The following CDC42BPA variants were observed in gnomAD, a reference collection of about 807,000 sequenced individuals.
CDC42BPA encodes the protein serine/threonine-protein kinase MRCK alpha.
CDC42BPA carries 80 observed loss-of-function variants against 223.5 expected under a neutral mutation model. The observed-to-expected ratio is 0.36, with a 90% confidence interval of 0.30 to 0.43. CDC42BPA has a LOEUF of 0.43. CDC42BPA is among the 20% of genes least tolerant of loss of function. The probability of loss-of-function intolerance (pLI) is 1.00; values close to 1 mark genes in which losing one functional copy is unlikely to be tolerated. For synonymous variants in CDC42BPA, 694 were observed against 718.6 expected (o/e 0.97, Z 0.55); for missense variants, 1,743 against 2,099.9 (o/e 0.83, Z 3.32).
chr1:227,201,259 C>T (rs113456533), intron 3 of CDC42BPA, among the ~76,000 whole-genome samples: 25,596 of 151,894 alleles, frequency 0.17, 2,306 homozygotes, highest in Non-Finnish European at 0.19. Flanking sequence ...GATCCTCCCA[C>T]CTTAGCCTCT....
intron 1 of CDC42BPA, among the ~76,000 whole-genome samples, chr1:227,261,449 C>T (rs1227538122): frequency 6.6e-6 from 1 of 150,578 alleles, no homozygotes; most frequent in African/African-American, 2.5e-5. Context: ...CAAAATAGTC[C>T]TTGTGCATAT....
chr1:227,229,366 T>C (rs1020406034), intron 2 of CDC42BPA, among the ~76,000 whole-genome samples: 1 of 152,208 alleles, frequency 6.6e-6, no homozygotes, highest in Admixed American at 6.5e-5. Flanking sequence ...TCTCTTGATT[T>C]ATATATGAGC....
chr1:227,196,860 AG>A (rs1298156568), intron 4 of CDC42BPA, among the ~76,000 whole-genome samples: 1 of 152,240 alleles, frequency 6.6e-6, no homozygotes, highest in Non-Finnish European at 1.5e-5. Context: ...AAGAAAGTAC[AG>A]AACGAACAAA....
chr1:227,072,513 T>C (rs1186056941), intron 19 of CDC42BPA, among the ~76,000 whole-genome samples: 1 of 151,980 alleles, frequency 6.6e-6, no homozygotes, highest in East Asian at 1.9e-4. Flanking sequence ...CATTTAAGTA[T>C]TGACTATGGC....
intron 21 of CDC42BPA, among the ~76,000 whole-genome samples, chr1:227,057,362 ATAGT>A (rs1293708218): frequency 1.3e-4 from 11 of 86,264 alleles, no homozygotes; most frequent in African/African-American, 4.1e-4. Context: ...ATGACATTTC[ATAGT>A]TAATTTTAAA....
intron 5 of CDC42BPA, 46 bp downstream of exon 5, chr1:227,193,740 T>C (rs1261169900): frequency 1.4e-6 from 2 of 1,445,564 alleles, no homozygotes; most frequent in Non-Finnish European, 1.9e-6. Context: ...TGTTGCTAGA[T>C]ATTACATGGT....
intron 14 of CDC42BPA, among the ~76,000 whole-genome samples, chr1:227,102,007 T>C (rs372078794): frequency 1.3e-5 from 2 of 152,270 alleles, no homozygotes; most frequent in East Asian, 1.9e-4. Flanking sequence ...TTTCCAAAGG[T>C]CATTAATTTG....
chr1:227,121,046 C>G (rs1455911310), intron 11 of CDC42BPA, among the ~76,000 whole-genome samples: 1 of 152,136 alleles, frequency 6.6e-6, no homozygotes, highest in Non-Finnish European at 1.5e-5. Context: ...GGAGCTCAGG[C>G]GCTAATGCTC....
At chr1:227,184,925 C>A (rs951369676) in intron 5 of CDC42BPA, among the ~76,000 whole-genome samples, 3 of 152,138 alleles carry the variant, frequency 2.0e-5, no homozygotes, top group African/African-American at 7.2e-5. Context: ...TACCATTTTT[C>A]TTCACTCCTC....
intron 1 of CDC42BPA, among the ~76,000 whole-genome samples, chr1:227,255,205 A>G (rs967079786): frequency 2.0e-5 from 3 of 152,162 alleles, no homozygotes; most frequent in African/African-American, 7.2e-5. Context: ...AAAGGAACTG[A>G]TATGATTAAA....
intron 34 of CDC42BPA, 45 bp from the exon 35 acceptor site, chr1:227,005,156 T>G (rs548235880): frequency 7.8e-7 from 1 of 1,288,050 alleles, no homozygotes; most frequent in South Asian, 1.2e-5. Context: ...AGAAAGAAAC[T>G]GATTTTTCTG....
chr1:227,182,368 A>G (rs535455826), intron 5 of CDC42BPA, among the ~76,000 whole-genome samples: 37 of 152,332 alleles, frequency 2.4e-4, no homozygotes, highest in Admixed American at 2.4e-3. Context: ...GGAACTCACC[A>G]AATTTATATG....
In CDC42BPA at chr1:227,029,529, C is replaced by T. The variant is rs184614489; in HGVS notation, c.3839-279G>A. ...ATCTTCAAGGAAACTTTTCTACTGG[C>T]ACTAAATTCTAGGGAACGTCACCAT... On this transcript the variant is annotated intron_variant, in intron 29 of 36. Coordinates refer to ENST00000366766, the MANE Select transcript of CDC42BPA (RefSeq NM_001394014.1). Among the ~76,000 whole-genome samples, 35 of 152,266 alleles carry T rather than the reference C, an allele frequency of 2.3e-4. 1 individual carries two copies. Among genetic ancestry groups the T allele is most frequent in the Admixed American group, 2.1e-3 (32 of 15,298 alleles).
At position 227,101,054 on chromosome 1, in the gene CDC42BPA, T is replaced by C; in HGVS notation, c.2187A>G (p.Gln729=). ...KKELHDSEGQ[Q]LALNKEIMIL... Reference sequence around the variant, plus strand: ...TCATAATTTCTTTGTTGAGAGCAAGTTGCTGACCTTCTGAATCATGCAGTT... The same window carrying C: ...TCATAATTTCTTTGTTGAGAGCAAGCTGCTGACCTTCTGAATCATGCAGTT... Residue 729 remains glutamine, a synonymous_variant, in exon 15 of 37, where the codon CAA becomes CAG. Coordinates refer to ENST00000366766, the MANE Select transcript of CDC42BPA (RefSeq NM_001394014.1). The C allele has an allele frequency of 1.3e-6, 2 of 1,567,786 alleles. No homozygotes were observed. Among genetic ancestry groups the C allele is most frequent in the South Asian group, 1.1e-5 (1 of 89,540 alleles).
intron 1 of CDC42BPA, among the ~76,000 whole-genome samples, chr1:227,303,310 C>CTCTTCTAA (rs973202187): frequency 6.6e-6 from 1 of 152,180 alleles, no homozygotes; most frequent in African/African-American, 2.4e-5. Flanking sequence ...CCAGACAAGA[C>CTCTTCTAA]TCTTCTAATC....
chr1:227,216,133 TAC>T (rs57710895), intron 2 of CDC42BPA, among the ~76,000 whole-genome samples: 30,803 of 129,270 alleles, frequency 0.24, 3,514 homozygotes, highest in African/African-American at 0.32. Context: ...TATATATATA[TAC>T]ACACACACAC....
intron 5 of CDC42BPA, 44 bp downstream of exon 5, chr1:227,193,742 T>A (rs751673256): frequency 5.4e-6 from 8 of 1,476,564 alleles, no homozygotes; most frequent in Non-Finnish European, 7.3e-6. Flanking sequence ...TTGCTAGATA[T>A]TACATGGTAA....
intron 1 of CDC42BPA, among the ~76,000 whole-genome samples, chr1:227,282,872 A>C (rs1425393930): frequency 2.0e-5 from 3 of 152,224 alleles, no homozygotes; most frequent in Non-Finnish European, 4.4e-5. Context: ...TAATGAGTAC[A>C]GTTTCAGTTT....
rs544194290 is a variant in CDC42BPA, at chr1:226,994,470, C to T, written c.5134-71G>A. 582 of 1,443,106 alleles carry T rather than the reference C, an allele frequency of 4.0e-4. No individual in the cohort carries two copies. Among genetic ancestry groups the T allele is most frequent in the Non-Finnish European group, 5.2e-4 (566 of 1,092,784 alleles). 89.4% of individuals were successfully genotyped at this position (1,443,106 alleles called of 1,614,324 possible). A position where few individuals can be genotyped will look rare whatever the true frequency, so the allele number is the denominator to read the frequency against. ...GGGAGGCAGAAGGGGCTCAGATTAC[C>T]ACCGCCCCCTCCAGCCACCCTGACC... On this transcript the variant is annotated intron_variant, in intron 36 of 36. Transcript: ENST00000366766. The surrounding 1 kb of genome is among the most constrained non-coding windows in gnomAD (Gnocchi z 4.0).
Sources: allele counts gnomAD v4.1 joint callset (sites outside exome capture counted in the v4.1 genomes callset), GRCh38; gene constraint gnomAD v4.1.1; non-coding constraint Gnocchi (gnomAD v3.1); transcripts MANE v1.5; gene names NCBI Gene and HGNC (gene_info 2026-07-23, HGNC 2026-07-21).